The following PAK1 variants were observed in gnomAD, a reference collection of about 807,000 sequenced individuals.
PAK1 encodes the protein serine/threonine-protein kinase PAK 1.
PAK1 carries 29 observed loss-of-function variants against 67.4 expected under a neutral mutation model. The ratio of observed to expected loss-of-function variants is 0.43; its 90% CI spans 0.32 to 0.59. The LOEUF (loss-of-function observed/expected upper bound fraction) is 0.59. Among genes scored for constraint, PAK1 ranks in the 20% least tolerant of loss-of-function variants. The pLI, the probability that PAK1 is intolerant of heterozygous loss-of-function variation, is 0.07. For synonymous variants in PAK1, 223 were observed against 237.4 expected, an observed-to-expected ratio of 0.94 and a Z score of 0.56; for missense variants, 337 against 670.7, an observed-to-expected ratio of 0.50 and a Z score of 5.50.
intron 1 of PAK1, among the ~76,000 whole-genome samples, chr11:77,443,305 T>TAAA (rs11330130): frequency 7.1e-5 from 9 of 126,932 alleles, no homozygotes; most frequent in Admixed American, 6.5e-4. Flanking sequence ...CTCCGTCTCT[T>TAAA]AAAAAAAAAA....
chr11:77,529,888 T>C, the PAK1 span: 1 of 152,506 alleles, frequency 6.6e-6, no homozygotes, highest in African/African-American at 2.4e-5. Context: ...GCTGGAGCAG[T>C]GACAGGGATA....
Position 77,434,538 on chromosome 11 carries a change from C to T in PAK1, c.-22+39014G>A, listed in dbSNP as rs149754707. Among the ~76,000 whole-genome samples the T allele has an allele frequency of 5.8e-3, 889 of 152,032 alleles. 8 individuals carry two copies. Among genetic ancestry groups the T allele is most frequent in the African/African-American group, 0.021 (857 of 41,452 alleles). ...CATGGCCCACCTGTAACCTCAACCT[C>T]CTGGGCTCAAGCGATCTTCCCACCT... On this transcript the variant is annotated intron_variant, in intron 1 of 14. Coordinates refer to ENST00000356341, the MANE Select transcript of PAK1 (RefSeq NM_002576.5).
the PAK1 span, among the ~76,000 whole-genome samples, chr11:77,504,661 G>A: frequency 7.9e-5 from 12 of 152,174 alleles, no homozygotes; most frequent in Non-Finnish European, 1.3e-4. Flanking sequence ...TTATGAAAGT[G>A]GGTTTAACTT....
At chr11:77,519,536 C>G in the PAK1 span, among the ~76,000 whole-genome samples, 1 of 152,158 alleles carries the variant, frequency 6.6e-6, no homozygotes, top group Non-Finnish European at 1.5e-5. Flanking sequence ...ATCAGTGGTT[C>G]CAGGGGTGTC....
the PAK1 span, among the ~76,000 whole-genome samples, chr11:77,508,595 G>A: frequency 1.3e-5 from 2 of 151,730 alleles, no homozygotes; most frequent in African/African-American, 4.8e-5. Flanking sequence ...GGTCTCATAA[G>A]TGGGCACTGA....
intron 1 of PAK1, among the ~76,000 whole-genome samples, chr11:77,399,404 A>G (rs1383927063): frequency 6.6e-6 from 1 of 152,228 alleles, no homozygotes; most frequent in Non-Finnish European, 1.5e-5. Flanking sequence ...GTAGCAGCTT[A>G]AAGAACAAAT....
chr11:77,335,805 T>C (rs892663138), intron 13 of PAK1, among the ~76,000 whole-genome samples: 2 of 152,254 alleles, frequency 1.3e-5, no homozygotes, highest in African/African-American at 4.8e-5. Context: ...CTTTGCTTTT[T>C]CTCACAGCAT....
In PAK1 at chr11:77,355,730, C is replaced by T. The variant is rs1048522; in HGVS notation, c.710G>A (p.Arg237Gln). ...NNTTPPDALT[R>Q]NTEKQKKKPK... ...CTTCTTCTTCTGCTTCTCAGTATTC[C>T]GGGTCAAAGCATCTGGTGGAGTGGT... is the stretch of plus-strand genomic sequence containing the variant. The change falls in exon 7 of 15, where the codon CGG becomes CAG. Residue 237 changes from arginine (R) to glutamine (Q), a missense_variant. This residue lies in a region of PAK1 where 150 missense variants were observed against 179.0 expected (regional missense o/e 0.84). Transcript: ENST00000356341. 16 of 1,613,296 alleles carry T rather than the reference C, an allele frequency of 9.9e-6. No individual in the cohort carries two copies. The highest frequency in any genetic ancestry group is 4.0e-5 in the African/African-American group (3 of 74,880).
intron 1 of PAK1, among the ~76,000 whole-genome samples, chr11:77,444,730 A>G (rs544217897): frequency 1.3e-5 from 2 of 152,352 alleles, no homozygotes; most frequent in African/African-American, 4.8e-5. Flanking sequence ...AGTATAATAT[A>G]CACAAAAACA....
the PAK1 span, among the ~76,000 whole-genome samples, chr11:77,480,514 C>T: frequency 1.3e-5 from 2 of 149,752 alleles, no homozygotes; most frequent in African/African-American, 2.5e-5. Flanking sequence ...TCTGAGTAAC[C>T]ACCATGGTTT....
At chr11:77,334,817 T>C (rs1236231945) in intron 13 of PAK1, among the ~76,000 whole-genome samples, 1 of 152,128 alleles carries the variant, frequency 6.6e-6, no homozygotes, top group Non-Finnish European at 1.5e-5. Flanking sequence ...CCCAGCAAAA[T>C]TCCTTTAAGA....
chr11:77,457,064 C>G (rs1957114699), intron 1 of PAK1, among the ~76,000 whole-genome samples: 1 of 152,060 alleles, frequency 6.6e-6, no homozygotes, highest in South Asian at 2.1e-4. Context: ...TTATTAGTAC[C>G]ATTTCACGTA....
At chr11:77,331,416 A>G (rs1941482878) in intron 14 of PAK1, among the ~76,000 whole-genome samples, 1 of 152,264 alleles carries the variant, frequency 6.6e-6, no homozygotes, top group Non-Finnish European at 1.5e-5. Context: ...CTGGATTAAG[A>G]AAATGTGGCA....
chr11:77,334,929 A>T (rs907528029), intron 13 of PAK1, among the ~76,000 whole-genome samples: 25 of 152,186 alleles, frequency 1.6e-4, no homozygotes, highest in Non-Finnish European at 7.3e-5. Flanking sequence ...ATAACTGATT[A>T]TTAAGGTCAT....
rs1408826889 is a variant in PAK1 at position 77,374,506 on chromosome 11, T to C, written c.440-141A>G. Reference sequence around the variant, plus strand: ...TATGACTGGTACTACAGGCTAGATATCATGCTAAATGCATTATACATATCA... The same window carrying C: ...TATGACTGGTACTACAGGCTAGATACCATGCTAAATGCATTATACATATCA... On this transcript the variant is annotated intron_variant, in intron 4 of 14. Transcript: ENST00000356341. The C allele has an allele frequency of 7.8e-6, 5 of 642,558 alleles. No individual in the cohort carries two copies. The East Asian group carries it at 1.1e-4, about 14-fold the overall frequency. The allele number at this position is 642,558 out of a possible 1,614,324, so 39.8% of individuals were successfully genotyped here. A position where few individuals can be genotyped will look rare whatever the true frequency, so the allele number is the denominator to read the frequency against.
At chr11:77,372,286 T>C (rs1948542601) in intron 5 of PAK1, among the ~76,000 whole-genome samples, 1 of 152,176 alleles carries the variant, frequency 6.6e-6, no homozygotes, top group South Asian at 2.1e-4. Context: ...TAATCACATC[T>C]CTTCTATTTG....
intron 11 of PAK1, among the ~76,000 whole-genome samples, chr11:77,338,777 T>A (rs1431301114): frequency 6.6e-6 from 1 of 152,196 alleles, no homozygotes; most frequent in Non-Finnish European, 1.5e-5. Flanking sequence ...ACAAAATGGA[T>A]GAATCTTTGA....
chr11:77,365,031 G>A (rs944601183), intron 5 of PAK1, among the ~76,000 whole-genome samples: 3 of 151,826 alleles, frequency 2.0e-5, no homozygotes, highest in Admixed American at 6.6e-5. Flanking sequence ...GGCGGATCAC[G>A]AAGTCAGGAG....
chr11:77,335,382 C>G lies in PAK1; in HGVS notation c.1413+704G>C, dbSNP rs540430567. ...ACACTTCAAATCAGCACATTCAAAA[C>G]CAACTCTTTATTACCCAACTTAAGT... On this transcript the variant is annotated intron_variant, in intron 13 of 14. Coordinates refer to ENST00000356341, the MANE Select transcript of PAK1 (RefSeq NM_002576.5). 4.6e-5 allele frequency among the ~76,000 whole-genome samples: 7 copies of G among 152,320 alleles called. No homozygotes were observed. The East Asian group carries it at 1.3e-3, about 29-fold the overall frequency.
Sources: gnomAD v4.1 joint callset for allele counts (sites outside exome capture counted in the v4.1 genomes callset) on GRCh38, gnomAD v4.1.1 for gene constraint, gnomAD v4.1.1 regional missense constraint, MANE v1.5 for transcripts, NCBI Gene and HGNC (gene_info 2026-07-23, HGNC 2026-07-21) for gene names.